The following FGF13 variants were observed in gnomAD, a reference collection of about 807,000 sequenced individuals.
FGF13 encodes the protein fibroblast growth factor homologous factor 2.
Under a neutral mutation model 19.5 loss-of-function variants are expected in FGF13, and 2 were observed. The observed-to-expected ratio is 0.10, with a 90% CI of 0.04 to 0.32. The LOEUF (loss-of-function observed/expected upper bound fraction) is 0.32, where lower values mean the gene tolerates loss of function less well. Among genes scored for constraint, FGF13 ranks in the 10% least tolerant of loss-of-function variants. The pLI, the probability that FGF13 is intolerant of heterozygous loss-of-function variation, is 1.00. For synonymous variants in FGF13, 72 were observed against 76.9 expected, an observed-to-expected ratio of 0.94 and a Z score of 0.33; for missense variants, 113 against 192.7, an observed-to-expected ratio of 0.59 and a Z score of 2.45.
chrX:138,897,751 T>A (rs1313292660), intron 1 of FGF13, among the ~76,000 whole-genome samples: 1 of 111,443 alleles, frequency 9.0e-6, no homozygotes, highest in African/African-American at 3.3e-5. Context: ...GGTTGATGAG[T>A]CTCAGCCCTC....
intron 3 of FGF13, among the ~76,000 whole-genome samples, chrX:138,776,563 G>A (rs1051841034): frequency 2.7e-5 from 3 of 112,096 alleles, no homozygotes; most frequent in African/African-American, 9.7e-5. Context: ...TGCAACTGGG[G>A]TTCATAACCA....
intron 1 of FGF13, among the ~76,000 whole-genome samples, chrX:139,203,151 G>A (rs752637709): frequency 2.7e-5 from 3 of 112,071 alleles, no homozygotes; most frequent in African/African-American, 6.5e-5. Flanking sequence ...TCCCCAGCCT[G>A]AGCACCGCTT....
rs181085921 is a variant in FGF13 at position 138,761,292 on chromosome X, A to T, written c.218-52364T>A. Among the ~76,000 whole-genome samples, 8 of 111,476 alleles carry T rather than the reference A, an allele frequency of 7.2e-5. No homozygotes were observed. The East Asian group carries it at 2.3e-3, about 32-fold the overall frequency. ...GCTTGCCATTCAGATCTTGTTAATG[A>T]TTACTGATGAATTTCACAAAGGTCA... On this transcript the variant is annotated intron_variant, in intron 3 of 6. Transcript: ENST00000436198.
intron 1 of FGF13, among the ~76,000 whole-genome samples, chrX:138,886,018 A>G (rs2091450117): frequency 9.0e-6 from 1 of 111,508 alleles, no homozygotes; most frequent in Non-Finnish European, 1.9e-5. Flanking sequence ...CCCACTTCGT[A>G]TTTTCAAATG....
rs60143921 is a variant in FGF13, at chrX:138,936,993, C to G, written c.-112-72343G>C. Among the ~76,000 whole-genome samples, 231 of 111,762 alleles carry G rather than the reference C, an allele frequency of 2.1e-3. 2 individuals are homozygous for G. The highest frequency in any genetic ancestry group is 7.2e-3 in the African/African-American group (221 of 30,810). ...TATATCTGTTTGTGAGAATATCTCC[C>G]TGCAGTGCCAGGCCATCTCTCTCAA... On this transcript the variant is annotated intron_variant, in intron 1 of 2. Coordinates refer to the FGF13 transcript ENST00000421460.
intron 1 of FGF13, among the ~76,000 whole-genome samples, chrX:139,041,575 C>A (rs1036873074): frequency 9.0e-6 from 1 of 111,433 alleles, no homozygotes. Flanking sequence ...AGGTACTTAT[C>A]CATTTAACTG....
At chrX:138,770,039 T>C (rs2090533257) in intron 3 of FGF13, among the ~76,000 whole-genome samples, 2 of 112,297 alleles carry the variant, frequency 1.8e-5, no homozygotes, top group African/African-American at 6.5e-5. Context: ...AACGGTTATG[T>C]GGTCAAATAA....
chrX:139,164,922 T>C (rs1241296498), intron 1 of FGF13, among the ~76,000 whole-genome samples: 8 of 110,389 alleles, frequency 7.2e-5, no homozygotes, highest in African/African-American at 2.6e-4. Flanking sequence ...AAAAAGAATT[T>C]ATAGGAGCAA....
chrX:139,084,034 T>A (rs765016025), intron 1 of FGF13, among the ~76,000 whole-genome samples: 1 of 109,383 alleles, frequency 9.1e-6, no homozygotes, highest in Non-Finnish European at 1.9e-5. Flanking sequence ...TGCATCAGGG[T>A]AAGATTTTCA....
chrX:138,752,102 G>A (rs940511772), intron 3 of FGF13, among the ~76,000 whole-genome samples: 2 of 111,773 alleles, frequency 1.8e-5, no homozygotes. Flanking sequence ...TCCAAAGCGG[G>A]ATGCATGAGC....
At chrX:138,643,709 A>C (rs1277679696) in intron 3 of FGF13, among the ~76,000 whole-genome samples, 1 of 111,953 alleles carries the variant, frequency 8.9e-6, no homozygotes, top group Non-Finnish European at 1.9e-5. Flanking sequence ...AAATCTGTGG[A>C]ATTTTTTATT....
At chrX:139,161,691 C>T (rs2084035447) in intron 1 of FGF13, among the ~76,000 whole-genome samples, 1 of 112,113 alleles carries the variant, frequency 8.9e-6, no homozygotes, top group Non-Finnish European at 1.9e-5. Flanking sequence ...TGATAAGCAA[C>T]TTCAGCAAAG....
chrX:138,862,815 A>G (rs1439495386), intron 2 of FGF13, among the ~76,000 whole-genome samples: 1 of 112,034 alleles, frequency 8.9e-6, no homozygotes. Context: ...CAACTTTTCA[A>G]TGTTTGGAAA....
chrX:139,166,229 G>A (rs909391988), intron 1 of FGF13, among the ~76,000 whole-genome samples: 1 of 111,736 alleles, frequency 8.9e-6, no homozygotes, highest in African/African-American at 3.3e-5. Flanking sequence ...AATCATGGGG[G>A]CAGTTACCCC....
At chrX:138,737,149 G>A (rs1294741684) in intron 1 of FGF13, among the ~76,000 whole-genome samples, 1 of 111,385 alleles carries the variant, frequency 9.0e-6, no homozygotes, top group Non-Finnish European at 1.9e-5. Flanking sequence ...AGACTTAACT[G>A]GAGATGGAGA....
chrX:138,770,165 T>G (rs1438296523), intron 3 of FGF13, among the ~76,000 whole-genome samples: 1 of 111,977 alleles, frequency 8.9e-6, no homozygotes, highest in African/African-American at 3.2e-5. Flanking sequence ...ATTCATTTAA[T>G]AAAACATATA....
At chrX:138,772,785 C>T (rs1434078504) in intron 3 of FGF13, among the ~76,000 whole-genome samples, 3 of 111,032 alleles carry the variant, frequency 2.7e-5, no homozygotes, top group African/African-American at 9.8e-5. Context: ...GCTTTGAAAA[C>T]CGTCAAAATC....
In FGF13 at chrX:139,000,944, G is replaced by C. The variant is rs888809305; in HGVS notation, c.-112-136294C>G. Among the ~76,000 whole-genome samples the C allele has an allele frequency of 8.1e-5, 9 of 111,780 alleles. 1 individual carries two copies. The South Asian group carries it at 3.4e-3, about 42-fold the overall frequency. Reference sequence around the variant, plus strand: ...ACCTGACTTCAAACTATACTACAAGGCTACAGCAACCAAAACAGCATGGTA... The same window carrying C: ...ACCTGACTTCAAACTATACTACAAGCCTACAGCAACCAAAACAGCATGGTA... On this transcript the variant is annotated intron_variant, in intron 1 of 2. Coordinates refer to the FGF13 transcript ENST00000421460.
At chrX:138,967,275 C>T (rs2091898892) in intron 1 of FGF13, among the ~76,000 whole-genome samples, 1 of 111,169 alleles carries the variant, frequency 9.0e-6, no homozygotes, top group African/African-American at 3.3e-5. Flanking sequence ...AGATTATGTC[C>T]CTTAATGGGC....
Sources: allele counts gnomAD v4.1 joint callset (sites outside exome capture counted in the v4.1 genomes callset), GRCh38; gene constraint gnomAD v4.1.1; transcripts MANE v1.5; gene names NCBI Gene and HGNC (gene_info 2026-07-23, HGNC 2026-07-21).